The following GTSE1 variants were observed in gnomAD, a reference collection of about 807,000 sequenced individuals.
GTSE1 encodes the protein G2 and S-phase expressed 1.
In GTSE1, 52 loss-of-function variants were observed where a neutral mutation model predicts 60.5. The ratio of observed to expected loss-of-function variants is 0.86; its 90% confidence interval spans 0.69 to 1.08. GTSE1 has a LOEUF of 1.08. GTSE1 is among the 50% of genes least tolerant of loss of function. The pLI is 0.00. For missense variants in GTSE1, 937 were observed against 961.8 expected (o/e 0.97, Z 0.34); for synonymous variants, 368 against 386.5 (o/e 0.95, Z 0.56).
At chr22:46,298,591 A>C (rs1323660527) in intron 2 of GTSE1, among the ~76,000 whole-genome samples, 1 of 152,194 alleles carries the variant, frequency 6.6e-6, no homozygotes, top group Non-Finnish European at 1.5e-5. Context: ...TACAGGTGTG[A>C]ACCACCGCGC....
Position 46,321,618 on chromosome 22 carries a change from A to T in GTSE1, c.1433-1572A>T, listed in dbSNP as rs1190828051. Among the ~76,000 whole-genome samples the T allele has an allele frequency of 6.6e-6, 1 of 152,188 alleles. No homozygotes were observed. The highest frequency in any genetic ancestry group is 1.5e-5 in the Non-Finnish European group (1 of 68,024). ...GTTTCTGAAGAATGCGGAGGTAGCA[A>T]TGTGGGTGCGTGATTTAGAAATGAG... On this transcript the variant is annotated intron_variant, in intron 7 of 11. Transcript: ENST00000454366. The surrounding 1 kb of genome is among the most constrained non-coding windows in gnomAD (Gnocchi z 4.0).
chr22:46,308,745 G>A lies in GTSE1; in HGVS notation c.564G>A (p.Pro188=), dbSNP rs113335037. The stretch of plus-strand genomic sequence containing the variant: ...AGCCTCGGCTCTTGGCCTCCTCCCC[G>A]GCCCTGCCCAGCTCTGGTGCCCAGG... The part of the protein sequence containing the change: ...VGEPRLLASS[P]ALPSSGAQAR... Residue 188 remains proline, a synonymous_variant, in exon 4 of 12, where the codon CCG becomes CCA. Transcript: ENST00000454366. 16 of 1,613,266 alleles carry A rather than the reference G, an allele frequency of 9.9e-6. No individual in the cohort carries two copies. Among genetic ancestry groups the A allele is most frequent in the African/African-American group, 2.7e-5 (2 of 75,074 alleles).
At position 46,309,063 on chromosome 22, in the gene GTSE1, A is replaced by G. The variant is rs2077734170; in HGVS notation, c.762+120A>G. 7 of 1,100,070 alleles carry G rather than the reference A, an allele frequency of 6.4e-6. No homozygotes were observed. The highest frequency in any genetic ancestry group is 1.6e-5 in the South Asian group (1 of 61,128). 68.1% of individuals were successfully genotyped at this position (1,100,070 alleles called of 1,614,324 possible). A position where few individuals can be genotyped will look rare whatever the true frequency, so the allele number is the denominator to read the frequency against. ...CGAGTCTCTGAGGCCTACAAAACACAGGAATGCGGAGTCCAGGAAAAGCAG... is the reference window on the plus strand; with the variant it reads ...CGAGTCTCTGAGGCCTACAAAACACGGGAATGCGGAGTCCAGGAAAAGCAG... On this transcript the variant is annotated intron_variant, in intron 4 of 11. Coordinates refer to ENST00000454366, the MANE Select transcript of GTSE1 (RefSeq NM_016426.7). This position sits in a 1 kb window ranked among gnomAD's most constrained non-coding sequence, Gnocchi z 6.2.
Position 46,321,619 on chromosome 22 carries a change from T to C in GTSE1, c.1433-1571T>C, listed in dbSNP as rs541954236. 2.2e-4 allele frequency among the ~76,000 whole-genome samples: 33 copies of C among 152,218 alleles called. No individual in the cohort carries two copies. The highest frequency in any genetic ancestry group is 1.3e-4 in the Non-Finnish European group (9 of 68,020). The stretch of plus-strand genomic sequence containing the variant: ...TTTCTGAAGAATGCGGAGGTAGCAA[T>C]GTGGGTGCGTGATTTAGAAATGAGT... On this transcript the variant is annotated intron_variant, in intron 7 of 11. Transcript: ENST00000454366. This position sits in a 1 kb window ranked among gnomAD's most constrained non-coding sequence, Gnocchi z 4.0.
intron 7 of GTSE1, among the ~76,000 whole-genome samples, chr22:46,322,117 G>A (rs1434891403): frequency 2.0e-5 from 3 of 148,884 alleles, no homozygotes; most frequent in Non-Finnish European, 4.5e-5. Context: ...GAGAGGAAAT[G>A]TAAGTGCAGG....
rs1042867086 is a variant in GTSE1, at chr22:46,309,088, G to A, written c.762+145G>A. The stretch of plus-strand genomic sequence containing the variant: ...AGGAATGCGGAGTCCAGGAAAAGCA[G>A]TTGCCAATAGGGAGCTGATGTGGGG... On this transcript the variant is annotated intron_variant, in intron 4 of 11. Coordinates refer to ENST00000454366, the MANE Select transcript of GTSE1 (RefSeq NM_016426.7). This position sits in a 1 kb window ranked among gnomAD's most constrained non-coding sequence, Gnocchi z 6.2. The A allele has an allele frequency of 2.1e-5, 19 of 901,054 alleles. No homozygotes were observed. Among genetic ancestry groups the A allele is most frequent in the Admixed American group, 3.0e-5 (1 of 33,250 alleles). 55.8% of individuals were successfully genotyped at this position (901,054 alleles called of 1,614,324 possible). A position where few individuals can be genotyped will look rare whatever the true frequency, so the allele number is the denominator to read the frequency against.
At position 46,324,460 on chromosome 22, in the gene GTSE1, T is replaced by C. The variant is rs2077832545; in HGVS notation, c.1505+1198T>C. On this transcript the variant is annotated intron_variant, in intron 8 of 11. Coordinates refer to ENST00000454366, the MANE Select transcript of GTSE1 (RefSeq NM_016426.7). The surrounding 1 kb of genome is among the most constrained non-coding windows in gnomAD (Gnocchi z 5.2). ...TCAGCTCATGGTAAGCTCCGCCTCCTGGATTCACGCCATTCTCCTGCCTCA... is the reference window on the plus strand; with the variant it reads ...TCAGCTCATGGTAAGCTCCGCCTCCCGGATTCACGCCATTCTCCTGCCTCA... Among the ~76,000 whole-genome samples the C allele has an allele frequency of 6.6e-6, 1 of 152,112 alleles. No homozygotes were observed. Among genetic ancestry groups the C allele is most frequent in the African/African-American group, 2.4e-5 (1 of 41,416 alleles).
chr22:46,323,098 C>A, intron 7 of GTSE1, 92 bp from the exon 8 acceptor site: 1 of 848,750 alleles, frequency 1.2e-6, no homozygotes, highest in Non-Finnish European at 2.1e-6. Flanking sequence ...AGTGGAGATA[C>A]TCGGAGAATT....
rs1046562021 is a variant in GTSE1 at position 46,316,691 on chromosome 22, T to C, written c.1432+279T>C. 6.6e-6 allele frequency among the ~76,000 whole-genome samples: 1 copy of C among 152,210 alleles called. No homozygotes were observed. Among genetic ancestry groups the C allele is most frequent in the African/African-American group, 2.4e-5 (1 of 41,472 alleles). ...GTTACTGTCGGGAATTTGATTATTA[T>C]GTGCTTTGAGGTGGCTTTCTTTGCC... On this transcript the variant is annotated intron_variant, in intron 7 of 11. Transcript: ENST00000454366. The surrounding 1 kb of genome is among the most constrained non-coding windows in gnomAD (Gnocchi z 5.0).
Position 46,316,389 on chromosome 22 carries a change from T to C in GTSE1, c.1409T>C (p.Phe470Ser). The C allele has an allele frequency of 6.3e-7, 1 of 1,580,342 alleles. No homozygotes were observed. The highest frequency in any genetic ancestry group is 8.7e-7 in the Non-Finnish European group (1 of 1,156,024). The change falls in exon 7 of 12, where the codon TTT becomes TCT. Residue 470 changes from phenylalanine to serine, a missense_variant. Transcript: ENST00000454366. The surrounding 1 kb of genome is among the most constrained non-coding windows in gnomAD (Gnocchi z 5.0). ...GTTATGCCTACTCCTACAAATCAAT[T>C]TAAAATTCCTAAGTTTTCTATTGGT... The part of the protein sequence containing the change: ...TKVMPTPTNQ[F>S]KIPKFSIGDS...
rs551490317 is a variant in GTSE1 at position 46,314,850 on chromosome 22, CA to C, written c.1051+854del. On this transcript the variant is annotated intron_variant, in intron 6 of 11. Coordinates refer to ENST00000454366, the MANE Select transcript of GTSE1 (RefSeq NM_016426.7). The surrounding 1 kb of genome is among the most constrained non-coding windows in gnomAD (Gnocchi z 7.1). ...GAGATTGCATCACTGCACTCCGTCTCAAAAAAAAAAAAAAAAATGATAAGTG... is the reference window on the plus strand; with the variant it reads ...GAGATTGCATCACTGCACTCCGTCTCAAAAAAAAAAAAAAAATGATAAGTG... Among the ~76,000 whole-genome samples the C allele has an allele frequency of 0.11, 10,212 of 96,608 alleles. 411 individuals are homozygous for C. Among genetic ancestry groups the C allele is most frequent in the African/African-American group, 0.15 (4,632 of 30,332 alleles). 63.4% of individuals were successfully genotyped at this position (96,608 alleles called of 152,430 possible).
chr22:46,302,978 C>CA (rs1465150083), intron 2 of GTSE1, among the ~76,000 whole-genome samples: 3 of 149,538 alleles, frequency 2.0e-5, no homozygotes, highest in Non-Finnish European at 4.4e-5. Context: ...TGGCTCACTG[C>CA]AAGCTCCGCC....
chr22:46,329,002 T>G lies in GTSE1; in HGVS notation c.1926+113T>G. The G allele has an allele frequency of 1.2e-6, 1 of 841,806 alleles. No individual in the cohort carries two copies. Among genetic ancestry groups the G allele is most frequent in the Non-Finnish European group, 1.9e-6 (1 of 525,468 alleles). The allele number at this position is 841,806 out of a possible 1,614,324, so 52.1% of individuals were successfully genotyped here. On this transcript the variant is annotated intron_variant, in intron 10 of 11. Transcript: ENST00000454366. The surrounding 1 kb of genome is among the most constrained non-coding windows in gnomAD (Gnocchi z 6.4). ...CGGAGTTCCCTGCCATGCTTCATCCTGGGGCCAGTGCCTCCGTGCCAAGCA... is the reference window on the plus strand; with the variant it reads ...CGGAGTTCCCTGCCATGCTTCATCCGGGGGCCAGTGCCTCCGTGCCAAGCA...
intron 9 of GTSE1, among the ~76,000 whole-genome samples, chr22:46,327,734 C>G (rs2077852274): frequency 6.6e-6 from 1 of 152,198 alleles, no homozygotes; most frequent in Non-Finnish European, 1.5e-5. Context: ...ACAAATTACA[C>G]ATTTTTATAT....
At position 46,324,201 on chromosome 22, in the gene GTSE1, C is replaced by T. The variant is rs993265384; in HGVS notation, c.1505+939C>T. 2.6e-5 allele frequency among the ~76,000 whole-genome samples: 4 copies of T among 152,172 alleles called. No homozygotes were observed. The highest frequency in any genetic ancestry group is 2.9e-5 in the Non-Finnish European group (2 of 68,026). ...CGAGGTCGAACTAGCCAGTCCCTCACGTGCTGCGCATGGTGCCATGCTAAG... is the reference window on the plus strand; with the variant it reads ...CGAGGTCGAACTAGCCAGTCCCTCATGTGCTGCGCATGGTGCCATGCTAAG... On this transcript the variant is annotated intron_variant, in intron 8 of 11. Coordinates refer to ENST00000454366, the MANE Select transcript of GTSE1 (RefSeq NM_016426.7). The surrounding 1 kb of genome is among the most constrained non-coding windows in gnomAD (Gnocchi z 5.2).
In GTSE1 at chr22:46,318,943, A is replaced by C. The variant is rs905154610; in HGVS notation, c.1432+2531A>C. Among the ~76,000 whole-genome samples, 1 of 152,136 alleles carries C rather than the reference A, an allele frequency of 6.6e-6. No individual in the cohort carries two copies. The highest frequency in any genetic ancestry group is 1.5e-5 in the Non-Finnish European group (1 of 68,016). On this transcript the variant is annotated intron_variant, in intron 7 of 11. Transcript: ENST00000454366. This position sits in a 1 kb window ranked among gnomAD's most constrained non-coding sequence, Gnocchi z 4.8. ...CGGCAGGAAGCCTTCTTCTAGGTGA[A>C]GAAGAGCAAATCCCCACCTTTCAAG...
Position 46,317,495 on chromosome 22 carries a change from G to C in GTSE1, c.1432+1083G>C, listed in dbSNP as rs1447842302. Reference sequence around the variant, plus strand: ...CATACCATCTTCCCCATCATTTTGGGGTCTGTTTCGACTGACTAATTTTGT... The same window carrying C: ...CATACCATCTTCCCCATCATTTTGGCGTCTGTTTCGACTGACTAATTTTGT... On this transcript the variant is annotated intron_variant, in intron 7 of 11. Transcript: ENST00000454366. The surrounding 1 kb of genome is among the most constrained non-coding windows in gnomAD (Gnocchi z 5.6). Among the ~76,000 whole-genome samples the C allele has an allele frequency of 1.3e-5, 2 of 152,024 alleles. No homozygotes were observed. Among genetic ancestry groups the C allele is most frequent in the Non-Finnish European group, 2.9e-5 (2 of 68,012 alleles).
At position 46,328,761 on chromosome 22, in the gene GTSE1, C is replaced by G. The variant is rs1251996584; in HGVS notation, c.1798C>G (p.Pro600Ala). ...GGATGTGTCCCCTGACAGGGGTTCTCCTCCTTCCCGTGTGCCTCAGGCACT... is the reference window on the plus strand; with the variant it reads ...GGATGTGTCCCCTGACAGGGGTTCTGCTCCTTCCCGTGTGCCTCAGGCACT... ...LVDVSPDRGSPPSRVPQALNF... is the reference protein window; with the variant it reads ...LVDVSPDRGSAPSRVPQALNF... The change falls in exon 10 of 12, where the codon CCT becomes GCT. Residue 600 changes from proline to alanine, a missense_variant. Pro to Ala is a conservative substitution (Grantham distance 27). Transcript: ENST00000454366. 8.7e-6 allele frequency: 14 copies of G among 1,613,570 alleles called. No homozygotes were observed. The South Asian group carries it at 1.4e-4, about 16-fold the overall frequency.
intron 2 of GTSE1, among the ~76,000 whole-genome samples, chr22:46,306,375 G>A (rs1463336051): frequency 6.6e-6 from 1 of 151,964 alleles, no homozygotes; most frequent in Non-Finnish European, 1.5e-5. Flanking sequence ...TAGAGACAGG[G>A]TTTCACCATG....
Sources: allele counts gnomAD v4.1 joint callset (sites outside exome capture counted in the v4.1 genomes callset), GRCh38; gene constraint gnomAD v4.1.1; non-coding constraint Gnocchi (gnomAD v3.1); transcripts MANE v1.5; gene names NCBI Gene and HGNC (gene_info 2026-07-23, HGNC 2026-07-21).